The following KREMEN1 variants were observed in gnomAD, a reference collection of about 807,000 sequenced individuals.
KREMEN1 encodes the protein kremen protein 1.
In KREMEN1, 30 loss-of-function variants were observed where a neutral mutation model predicts 46.5. That is an observed-to-expected ratio of 0.65 (90% CI 0.48 to 0.88). KREMEN1 has a LOEUF of 0.88. Among genes scored for constraint, KREMEN1 ranks in the 40% least tolerant of loss-of-function variants. KREMEN1 has a pLI of 0.00. For synonymous variants in KREMEN1, 214 were observed against 230.6 expected, an observed-to-expected ratio of 0.93 and a Z score of 0.65; for missense variants, 533 against 596.9, an observed-to-expected ratio of 0.89 and a Z score of 1.11.
At chr22:29,154,623 C>G (rs2038945461) in intron 9 of KREMEN1, 2 of 152,286 alleles carry the variant, frequency 1.3e-5, no homozygotes, top group Admixed American at 1.3e-4. Context: ...CTCACCAGCG[C>G]CGCCCCGTGG....
chr22:29,162,835 T>C (rs2039022995), intron 9 of KREMEN1, among the ~76,000 whole-genome samples: 2 of 152,166 alleles, frequency 1.3e-5, no homozygotes, highest in Admixed American at 6.5e-5. Flanking sequence ...CTATTCACAA[T>C]AGCAAAGACA....
At chr22:29,086,722 A>G (rs893495402) in intron 1 of KREMEN1, among the ~76,000 whole-genome samples, 1 of 152,132 alleles carries the variant, frequency 6.6e-6, no homozygotes, top group African/African-American at 2.4e-5. Flanking sequence ...TAGGTGTGCT[A>G]TGTGAATATT....
chr22:29,159,631 C>G (rs1273618756), intron 9 of KREMEN1, among the ~76,000 whole-genome samples: 2 of 74,580 alleles, frequency 2.7e-5, no homozygotes, highest in African/African-American at 4.7e-5. Context: ...AAATAAAAAA[C>G]AAAAACAAAA....
intron 9 of KREMEN1, among the ~76,000 whole-genome samples, chr22:29,166,785 T>C (rs1441093211): frequency 6.6e-6 from 1 of 151,932 alleles, no homozygotes; most frequent in Non-Finnish European, 1.5e-5. Context: ...AAAAAAAAAT[T>C]AGCCTAATGT....
chr22:29,162,765 C>A (rs2039022665), intron 9 of KREMEN1, among the ~76,000 whole-genome samples: 1 of 151,940 alleles, frequency 6.6e-6, no homozygotes, highest in Non-Finnish European at 1.5e-5. Context: ...GGGTATATAT[C>A]CAAAAGGAAA....
At position 29,140,268 on chromosome 22, in the gene KREMEN1, T is replaced by G. The variant is rs1158282039; in HGVS notation, c.1124-14T>G. On this transcript the variant is annotated splice_polypyrimidine_tract_variant and intron_variant, in intron 7 of 8. Coordinates refer to ENST00000400335, the MANE Select transcript of KREMEN1 (RefSeq NM_001039570.3). ...ATAAACAAGTCTGGTAAGCTCTGTCTTTTGCACTTGCAGGATGGACAGTCT... is the reference window on the plus strand; with the variant it reads ...ATAAACAAGTCTGGTAAGCTCTGTCGTTTGCACTTGCAGGATGGACAGTCT... 1 of 1,610,484 alleles carries G rather than the reference T, an allele frequency of 6.2e-7. No homozygotes were observed. The highest frequency in any genetic ancestry group is 8.5e-7 in the Non-Finnish European group (1 of 1,176,768).
At chr22:29,094,605 AC>A in intron 2 of KREMEN1, among the ~76,000 whole-genome samples, 185 bp downstream of exon 2, 1 of 140,258 alleles carries the variant, frequency 7.1e-6, no homozygotes, top group Admixed American at 7.1e-5. Context: ...ACACACACAC[AC>A]ACACACACAA....
At position 29,094,362 on chromosome 22, in the gene KREMEN1, T is replaced by C. The variant is rs532050281; in HGVS notation, c.202T>C (p.Tyr68His). Residue 68 changes from tyrosine (Y) to histidine (H), a missense_variant, in exon 2 of 9, where the codon TAC becomes CAC. Coordinates refer to ENST00000400335, the MANE Select transcript of KREMEN1 (RefSeq NM_001039570.3). ...TTGGAACGAGACTTTCCAGCATCCA[T>C]ACAACACTCTGAAATACCCCAACGG... The part of the protein sequence containing the change: ...LFWNETFQHP[Y>H]NTLKYPNGEG... 1.9e-5 allele frequency: 30 copies of C among 1,613,886 alleles called. No homozygotes were observed. The highest frequency in any genetic ancestry group is 2.3e-5 in the Non-Finnish European group (27 of 1,179,968).
intron 1 of KREMEN1, among the ~76,000 whole-genome samples, chr22:29,079,788 A>G (rs1379013057): frequency 6.6e-6 from 1 of 152,234 alleles, no homozygotes; most frequent in African/African-American, 2.4e-5. Context: ...ATGGCTGTAC[A>G]TGTGCCTTAG....
rs114710335 is a variant in KREMEN1, at chr22:29,144,503, C to T, written c.*2391C>T. ...TTGATCTGGAAAGAGCAGCTGTCCG[C>T]AGGCCTCTGTCTCCAAGAGGCCTGT... On this transcript the variant is annotated 3_prime_UTR_variant, in exon 9 of 9. Coordinates refer to ENST00000400335, the MANE Select transcript of KREMEN1 (RefSeq NM_001039570.3). 7.5e-4 allele frequency: 740 copies of T among 985,492 alleles called. 1 individual carries two copies. In the African/African-American group the frequency reaches 0.012, roughly 17 times the overall value. The allele number at this position is 985,492 out of a possible 1,614,324, so 61.0% of individuals were successfully genotyped here. A position where few individuals can be genotyped will look rare whatever the true frequency, so the allele number is the denominator to read the frequency against.
chr22:29,121,605 T>C, intron 4 of KREMEN1, 124 bp downstream of exon 4: 1 of 1,073,680 alleles, frequency 9.3e-7, no homozygotes, highest in Non-Finnish European at 1.4e-6. Flanking sequence ...TATTGTATGA[T>C]TCCACTTACA....
In KREMEN1 at chr22:29,143,131, C is replaced by CAA; in HGVS notation, c.*1020_*1021dup. The CAA allele has an allele frequency of 2.2e-6, 2 of 917,784 alleles. No individual in the cohort carries two copies. The highest frequency in any genetic ancestry group is 2.6e-6 in the Non-Finnish European group (2 of 768,424). 56.9% of individuals were successfully genotyped at this position (917,784 alleles called of 1,614,324 possible). On this transcript the variant is annotated 3_prime_UTR_variant, in exon 9 of 9. Transcript: ENST00000400335. ...CACCACTGCACTCCAGCCTGGGTGA[C>CAA]AAGAGTGAGACTCTGTCTCAAAAAA...
chr22:29,073,460 C>T lies in KREMEN1; in HGVS notation c.97+233C>T, dbSNP rs2037508686. ...GGTACTGTCCCCCGGCTGCAGGACCCGGTGCTCCTCAGCGACGCCCCTCAG... is the reference window on the plus strand; with the variant it reads ...GGTACTGTCCCCCGGCTGCAGGACCTGGTGCTCCTCAGCGACGCCCCTCAG... On this transcript the variant is annotated intron_variant, in intron 1 of 8. Coordinates refer to ENST00000400335, the MANE Select transcript of KREMEN1 (RefSeq NM_001039570.3). The surrounding 1 kb of genome is among the most constrained non-coding windows in gnomAD (Gnocchi z 4.4). Among the ~76,000 whole-genome samples the T allele has an allele frequency of 6.6e-6, 1 of 152,092 alleles. No individual in the cohort carries two copies. The highest frequency in any genetic ancestry group is 2.4e-5 in the African/African-American group (1 of 41,428).
intron 4 of KREMEN1, among the ~76,000 whole-genome samples, chr22:29,122,940 C>CAA (rs140855395): frequency 5.3e-4 from 30 of 56,436 alleles, no homozygotes; most frequent in South Asian, 3.1e-3. Context: ...GACTCTGTCT[C>CAA]AAAAAAAAAA....
At position 29,142,882 on chromosome 22, in the gene KREMEN1, G is replaced by C; in HGVS notation, c.*770G>C. Reference sequence around the variant, plus strand: ...AACATCCATTCAGCTGGGCGCGATGGCTCATGCCTGTAATCCCAGCACTGT... The same window carrying C: ...AACATCCATTCAGCTGGGCGCGATGCCTCATGCCTGTAATCCCAGCACTGT... On this transcript the variant is annotated 3_prime_UTR_variant, in exon 9 of 9. Coordinates refer to ENST00000400335, the MANE Select transcript of KREMEN1 (RefSeq NM_001039570.3). The C allele has an allele frequency of 2.0e-6, 2 of 985,124 alleles. No homozygotes were observed. The highest frequency in any genetic ancestry group is 2.4e-6 in the Non-Finnish European group (2 of 829,620). 61.0% of individuals were successfully genotyped at this position (985,124 alleles called of 1,614,324 possible).
intron 3 of KREMEN1, among the ~76,000 whole-genome samples, chr22:29,107,218 C>CTT (rs1188000476): frequency 9.8e-4 from 110 of 111,846 alleles, no homozygotes; most frequent in Non-Finnish European, 1.5e-3. Flanking sequence ...ACCATTTATA[C>CTT]TTTTTTTTTT....
At chr22:29,120,613 A>C (rs113705899) in intron 3 of KREMEN1, among the ~76,000 whole-genome samples, 2 of 123,828 alleles carry the variant, frequency 1.6e-5, no homozygotes, top group Admixed American at 7.8e-5. Context: ...GAAGTGATGA[A>C]GGAAACGGAG....
intron 3 of KREMEN1, among the ~76,000 whole-genome samples, chr22:29,118,870 A>G (rs984080789): frequency 1.8e-4 from 27 of 152,128 alleles, no homozygotes. Context: ...GGGTCCTACA[A>G]TTAAGTTATG....
intron 3 of KREMEN1, among the ~76,000 whole-genome samples, chr22:29,117,492 G>A (rs4521152): frequency 0.36 from 54,377 of 151,418 alleles, 11,203 homozygotes; most frequent in East Asian, 0.64. Context: ...GCGTGAACCC[G>A]GGAGGCGGAG....
Sources: gnomAD v4.1 joint callset for allele counts (sites outside exome capture counted in the v4.1 genomes callset) on GRCh38, gnomAD v4.1.1 for gene constraint, Gnocchi (gnomAD v3.1) non-coding constraint, MANE v1.5 for transcripts, NCBI Gene and HGNC (gene_info 2026-07-23, HGNC 2026-07-21) for gene names.